ADGRB3: variants seen among roughly 807,000 people sequenced by gnomAD.
ADGRB3 encodes adhesion G protein-coupled receptor B3, also known as brain-specific angiogenesis inhibitor 3.
ADGRB3 carries 37 observed loss-of-function variants against 193.4 expected under a neutral mutation model. The observed-to-expected ratio is 0.19, with a 90% CI of 0.15 to 0.25. ADGRB3 has a LOEUF of 0.25. ADGRB3 is among the 10% of genes least tolerant of loss of function. ADGRB3 has a pLI of 1.00. For missense variants in ADGRB3, 1,637 were observed against 1,852.9 expected, an observed-to-expected ratio of 0.88 and a Z score of 2.14; for synonymous variants, 690 against 644.2, an observed-to-expected ratio of 1.07 and a Z score of -1.08.
In ADGRB3 at chr6:69,024,528, C is replaced by T. The variant is rs376541661; in HGVS notation, c.2107+6029C>T. Among the ~76,000 whole-genome samples, 187 of 152,126 alleles carry T rather than the reference C, an allele frequency of 1.2e-3. 1 individual carries two copies. Among genetic ancestry groups the T allele is most frequent in the African/African-American group, 4.4e-3 (184 of 41,494 alleles). On this transcript the variant is annotated intron_variant, in intron 13 of 31. Coordinates refer to ENST00000370598, the MANE Select transcript of ADGRB3 (RefSeq NM_001704.3). ...CACTTACAGCTATTTCACAACTGTTCCTTAGGAATTATTTGATGCTGAAAA... is the reference window on the plus strand; with the variant it reads ...CACTTACAGCTATTTCACAACTGTTTCTTAGGAATTATTTGATGCTGAAAA...
At chr6:69,367,050 G>A (rs2071103105) in intron 29 of ADGRB3, among the ~76,000 whole-genome samples, 1 of 152,130 alleles carries the variant, frequency 6.6e-6, no homozygotes, top group Non-Finnish European at 1.5e-5. Flanking sequence ...AGATAAGGTG[G>A]TCTGGGAAGC....
At chr6:68,778,621 T>C (rs1184348621) in intron 3 of ADGRB3, among the ~76,000 whole-genome samples, 1 of 152,158 alleles carries the variant, frequency 6.6e-6, no homozygotes, top group Admixed American at 6.6e-5. Context: ...TTTGCTTTTT[T>C]CTGAACTTTG....
intron 3 of ADGRB3, among the ~76,000 whole-genome samples, chr6:68,759,462 T>A (rs1455532062): frequency 1.3e-5 from 2 of 152,146 alleles, no homozygotes; most frequent in Non-Finnish European, 2.9e-5. Flanking sequence ...TAATTATATC[T>A]GTTAATTCTT....
intron 3 of ADGRB3, among the ~76,000 whole-genome samples, chr6:68,825,702 C>T (rs1011727138): frequency 1.3e-5 from 2 of 152,190 alleles, no homozygotes; most frequent in East Asian, 3.9e-4. Flanking sequence ...TGAGTTCTCA[C>T]GAGATCTGAT....
intron 17 of ADGRB3, among the ~76,000 whole-genome samples, chr6:69,083,844 G>A (rs1772468856): frequency 1.3e-5 from 2 of 148,280 alleles, no homozygotes; most frequent in Non-Finnish European, 3.0e-5. Context: ...GCACGATCTC[G>A]GCTCACTGCA....
chr6:69,031,037 C>CTCCTCT (rs1554248318), intron 13 of ADGRB3, among the ~76,000 whole-genome samples: 3 of 36,558 alleles, frequency 8.2e-5, no homozygotes, highest in African/African-American at 4.0e-4. Flanking sequence ...CTCTTCTCTT[C>CTCCTCT]TCTCTTCTCT....
intron 13 of ADGRB3, among the ~76,000 whole-genome samples, chr6:69,031,720 C>T (rs1330484751): frequency 1.3e-5 from 2 of 151,276 alleles, no homozygotes; most frequent in Non-Finnish European, 2.9e-5. Flanking sequence ...CTACAACCTC[C>T]ACCTCCTGGG....
At chr6:68,720,433 T>A (rs1317865836) in intron 3 of ADGRB3, among the ~76,000 whole-genome samples, 1 of 151,768 alleles carries the variant, frequency 6.6e-6, no homozygotes, top group African/African-American at 2.4e-5. Flanking sequence ...TTTTACCTGA[T>A]TCGAGTTCAA....
chr6:69,208,701 G>A (rs919881111), intron 17 of ADGRB3, among the ~76,000 whole-genome samples: 3 of 152,220 alleles, frequency 2.0e-5, no homozygotes, highest in African/African-American at 7.2e-5. Context: ...GGCGAGGGGA[G>A]AGAAGGCAGG....
At chr6:68,916,772 C>T (rs1417695129) in intron 3 of ADGRB3, among the ~76,000 whole-genome samples, 1 of 151,970 alleles carries the variant, frequency 6.6e-6, no homozygotes, top group Non-Finnish European at 1.5e-5. Context: ...ATGCATGTTG[C>T]AGAAACGAAA....
intron 3 of ADGRB3, among the ~76,000 whole-genome samples, chr6:68,846,839 T>C (rs561911506): frequency 6.6e-6 from 1 of 152,316 alleles, no homozygotes; most frequent in Non-Finnish European, 1.5e-5. Context: ...CACTGCCTAG[T>C]GGAGCTGTGA....
chr6:69,243,428 T>G (rs1233192570), intron 20 of ADGRB3, among the ~76,000 whole-genome samples: 1 of 151,868 alleles, frequency 6.6e-6, no homozygotes, highest in Non-Finnish European at 1.5e-5. Flanking sequence ...CTTTAGTCAG[T>G]GTCATTCAGT....
intron 20 of ADGRB3, among the ~76,000 whole-genome samples, chr6:69,254,152 T>C (rs549410214): frequency 6.6e-6 from 1 of 152,298 alleles, no homozygotes; most frequent in South Asian, 2.1e-4. Flanking sequence ...TAAAAGCCTT[T>C]AGTGAATATT....
At chr6:68,804,648 C>T (rs187912838) in intron 3 of ADGRB3, among the ~76,000 whole-genome samples, 8 of 151,888 alleles carry the variant, frequency 5.3e-5, no homozygotes, top group Non-Finnish European at 1.0e-4. Context: ...TCATGTGAAC[C>T]TGGAAAATAA....
chr6:69,322,882 G>A (rs1011313770), intron 20 of ADGRB3, among the ~76,000 whole-genome samples: 9 of 151,842 alleles, frequency 5.9e-5, no homozygotes, highest in African/African-American at 2.2e-4. Context: ...GAAGACATAG[G>A]CCTTATTTCT....
At chr6:68,787,995 G>A (rs542641816) in intron 3 of ADGRB3, among the ~76,000 whole-genome samples, 92 of 152,160 alleles carry the variant, frequency 6.0e-4, no homozygotes, top group African/African-American at 1.7e-3. Context: ...GGGATTGGTG[G>A]TGATATCCCC....
intron 17 of ADGRB3, among the ~76,000 whole-genome samples, chr6:69,162,183 T>C (rs528440432): frequency 2.6e-5 from 4 of 152,230 alleles, no homozygotes; most frequent in African/African-American, 9.6e-5. Context: ...GGACTGGTAC[T>C]GAAAATCAAG....
At chr6:69,141,139 G>GGT (rs1774329534) in intron 17 of ADGRB3, among the ~76,000 whole-genome samples, 1 of 127,350 alleles carries the variant, frequency 7.9e-6, no homozygotes, top group Non-Finnish European at 1.7e-5. Flanking sequence ...GGGGGGGGCG[G>GGT]TGGGGACGGA....
At chr6:68,879,455 C>T (rs1403297750) in intron 3 of ADGRB3, among the ~76,000 whole-genome samples, 1 of 151,950 alleles carries the variant, frequency 6.6e-6, no homozygotes, top group African/African-American at 2.4e-5. Context: ...GTTTCGATCT[C>T]CTGACCTCGT....
Sources: gnomAD v4.1 joint callset for allele counts (sites outside exome capture counted in the v4.1 genomes callset) on GRCh38, gnomAD v4.1.1 for gene constraint, MANE v1.5 for transcripts, NCBI Gene and HGNC (gene_info 2026-07-23, HGNC 2026-07-21) for gene names.